MBD5: variants seen among roughly 807,000 people sequenced by gnomAD.
MBD5 encodes the protein methyl-CpG binding domain protein 5.
In MBD5, 13 loss-of-function variants were observed where a neutral mutation model predicts 117.3. The observed-to-expected ratio is 0.11, with a 90% CI of 0.07 to 0.18. The LOEUF is 0.18. Ranked by LOEUF, MBD5 falls within the 10% of genes least tolerant of loss-of-function variation. The pLI is 1.00. For synonymous variants in MBD5, 727 were observed against 766.4 expected (o/e 0.95, Z 0.85); for missense variants, 1,879 against 2,093.8 (o/e 0.90, Z 2.00).
At chr2:148,195,283 G>C (rs1436776885) in intron 2 of MBD5, among the ~76,000 whole-genome samples, 1 of 152,066 alleles carries the variant, frequency 6.6e-6, no homozygotes, top group Non-Finnish European at 1.5e-5. Flanking sequence ...ATGAGAAAAA[G>C]TATATGTCTG....
chr2:148,084,963 G>A (rs776761157), intron 1 of MBD5, among the ~76,000 whole-genome samples: 29 of 152,188 alleles, frequency 1.9e-4, no homozygotes, highest in Non-Finnish European at 4.3e-4. Context: ...GCATAAATGA[G>A]TTGACTCCAA....
intron 1 of MBD5, chr2:148,041,410 G>A (rs1474998108): frequency 1.3e-5 from 2 of 152,134 alleles, no homozygotes; most frequent in Non-Finnish European, 2.9e-5. Context: ...AATTAGGAAA[G>A]GGGACTTCTG....
chr2:148,472,008 G>A (rs892432495), intron 8 of MBD5: 1 of 151,946 alleles, frequency 6.6e-6, no homozygotes, highest in African/African-American at 2.4e-5. Context: ...TAGTCTCATT[G>A]CATTATACAG....
chr2:148,446,028 A>G (rs1329225116), intron 4 of MBD5, among the ~76,000 whole-genome samples: 1 of 150,700 alleles, frequency 6.6e-6, no homozygotes, highest in Non-Finnish European at 1.5e-5. Flanking sequence ...GATTCTGGAT[A>G]TTAGCCCTTT....
At chr2:148,288,217 G>A (rs1282787180) in intron 3 of MBD5, among the ~76,000 whole-genome samples, 1 of 132,672 alleles carries the variant, frequency 7.5e-6, no homozygotes, top group African/African-American at 2.7e-5. Flanking sequence ...CGGCTAAAAC[G>A]GTGAAACCCC....
intron 1 of MBD5, among the ~76,000 whole-genome samples, chr2:148,145,092 C>T (rs1461411032): frequency 1.3e-5 from 2 of 152,088 alleles, no homozygotes; most frequent in African/African-American, 2.4e-5. Flanking sequence ...ATGGAATGTT[C>T]TTCCATTTGT....
intron 3 of MBD5, among the ~76,000 whole-genome samples, chr2:148,275,459 C>G (rs1329585691): frequency 6.6e-6 from 1 of 152,098 alleles, no homozygotes; most frequent in Non-Finnish European, 1.5e-5. Context: ...CAAGTCTAAC[C>G]TATAGAGCAG....
At chr2:148,447,445 T>G (rs1354165799) in intron 4 of MBD5, 1 of 152,216 alleles carries the variant, frequency 6.6e-6, no homozygotes, top group African/African-American at 2.4e-5. Context: ...GAATTCATCA[T>G]TTATCCTTTT....
chr2:148,313,994 G>A (rs1702097216), intron 3 of MBD5, among the ~76,000 whole-genome samples: 1 of 151,606 alleles, frequency 6.6e-6, no homozygotes, highest in East Asian at 2.0e-4. Flanking sequence ...ATCTCAATGT[G>A]GTAAGTTGGA....
At chr2:148,145,089 G>A (rs1377021709) in intron 1 of MBD5, among the ~76,000 whole-genome samples, 2 of 152,168 alleles carry the variant, frequency 1.3e-5, no homozygotes, top group Admixed American at 1.3e-4. Context: ...AGCATGGAAT[G>A]TTCTTCCATT....
Position 148,469,733 on chromosome 2 carries a change from A to C in MBD5, c.1790A>C (p.Asn597Thr), listed in dbSNP as rs1379503679. The change falls in exon 8 of 14, where the codon AAC becomes ACC. Residue 597 changes from asparagine to threonine, a missense_variant. By Grantham distance (65) the Asn-to-Thr change is moderately conservative. Transcript: ENST00000642680. ...QLANQNKLAG[N>T]NSSSSSNSGA... ...GCAAATCAAAACAAACTTGCTGGTA[A>C]CAACAGTAGCAGCAGTAGCAATTCT... 2 of 1,613,878 alleles carry C rather than the reference A, an allele frequency of 1.2e-6. No homozygotes were observed. The highest frequency in any genetic ancestry group is 2.7e-5 in the African/African-American group (2 of 74,918).
chr2:148,513,271 A>T lies in MBD5; in HGVS notation c.*330A>T, dbSNP rs898822733. ...GAATTTTCAATGTTGTATATAGAAAATACAGAATTTCATGGTGATATCAGA... is the reference window on the plus strand; with the variant it reads ...GAATTTTCAATGTTGTATATAGAAATTACAGAATTTCATGGTGATATCAGA... On this transcript the variant is annotated 3_prime_UTR_variant, in exon 14 of 14. Coordinates refer to ENST00000642680, the MANE Select transcript of MBD5 (RefSeq NM_001378120.1). The T allele has an allele frequency of 3.2e-6, 1 of 315,306 alleles. No homozygotes were observed. The highest frequency in any genetic ancestry group is 6.0e-6 in the Non-Finnish European group (1 of 166,724). The allele number at this position is 315,306 out of a possible 1,614,324, so 19.5% of individuals were successfully genotyped here. A position where few individuals can be genotyped will look rare whatever the true frequency, so the allele number is the denominator to read the frequency against.
chr2:148,366,973 A>G (rs930393121), intron 4 of MBD5, among the ~76,000 whole-genome samples: 1 of 152,312 alleles, frequency 6.6e-6, no homozygotes, highest in East Asian at 1.9e-4. Context: ...ATTAGAAAAA[A>G]CTACTTTAAA....
At chr2:148,349,240 A>C (rs976881216) in intron 4 of MBD5, among the ~76,000 whole-genome samples, 1 of 151,960 alleles carries the variant, frequency 6.6e-6, no homozygotes, top group Non-Finnish European at 1.5e-5. Context: ...AATGCTATTT[A>C]ATCTCATTGA....
chr2:148,445,286 C>A (rs974613189), intron 4 of MBD5, among the ~76,000 whole-genome samples: 2 of 150,816 alleles, frequency 1.3e-5, no homozygotes, highest in Admixed American at 6.6e-5. Flanking sequence ...TCCCTCCCCG[C>A]TCCCCCCACC....
intron 1 of MBD5, among the ~76,000 whole-genome samples, chr2:148,109,490 CT>C (rs1462067558): frequency 6.6e-6 from 1 of 151,992 alleles, no homozygotes; most frequent in East Asian, 1.9e-4. Context: ...TAAAAGATGT[CT>C]TTGAAGGATA....
At chr2:148,427,485 T>G (rs760250673) in intron 4 of MBD5, among the ~76,000 whole-genome samples, 1 of 152,128 alleles carries the variant, frequency 6.6e-6, no homozygotes, top group East Asian at 1.9e-4. Flanking sequence ...TCATGTCCTT[T>G]GTAGGGACAT....
intron 3 of MBD5, among the ~76,000 whole-genome samples, chr2:148,305,080 A>G (rs183447383): frequency 6.6e-6 from 1 of 151,836 alleles, no homozygotes; most frequent in East Asian, 1.9e-4. Flanking sequence ...AAAAAAAATA[A>G]AATAAAATAA....
At chr2:148,439,088 A>G (rs1277554019) in intron 4 of MBD5, among the ~76,000 whole-genome samples, 1 of 152,236 alleles carries the variant, frequency 6.6e-6, no homozygotes, top group Non-Finnish European at 1.5e-5. Context: ...AGAACAAAGT[A>G]ATAGTTCCAC....
Sources: gnomAD v4.1 joint callset for allele counts (sites outside exome capture counted in the v4.1 genomes callset) on GRCh38, gnomAD v4.1.1 for gene constraint, MANE v1.5 for transcripts, NCBI Gene and HGNC (gene_info 2026-07-23, HGNC 2026-07-21) for gene names.